ESR2: variants seen among roughly 807,000 people sequenced by gnomAD.
ESR2 encodes the protein estrogen receptor beta.
ESR2 carries 36 observed loss-of-function variants against 49.6 expected under a neutral mutation model. That is an observed-to-expected ratio of 0.73 (90% CI 0.56 to 0.96). The LOEUF (loss-of-function observed/expected upper bound fraction) is 0.96. ESR2 is among the 40% of genes least tolerant of loss of function. The pLI, the probability that ESR2 is intolerant of heterozygous loss-of-function variation, is 0.00. For synonymous variants in ESR2, 320 were observed against 266.1 expected (o/e 1.20, Z -1.97); for missense variants, 714 against 693.0 (o/e 1.03, Z -0.34).
At chr14:64,295,219 T>C (rs2076941796), upstream of ESR2, among the ~76,000 whole-genome samples, 1 of 152,188 alleles carries the variant, frequency 6.6e-6, no homozygotes, top group Admixed American at 6.5e-5. Flanking sequence ...GTCACATCTG[T>C]GCCTAATTAA....
intron 1 of ESR2, among the ~76,000 whole-genome samples, chr14:64,288,057 T>C (rs902607990): frequency 8.5e-5 from 13 of 152,152 alleles, no homozygotes; most frequent in African/African-American, 3.1e-4. Context: ...AAATAGTTGG[T>C]CCATATCCTG....
At chr14:64,227,398 C>G (rs1261242299), downstream of ESR2, 2 of 994,996 alleles carry the variant, frequency 2.0e-6, no homozygotes, top group East Asian at 2.5e-5. Flanking sequence ...GGTTTTTAAC[C>G]ACATAACTAA....
At chr14:64,260,405 C>T in intron 5 of ESR2, 44 bp downstream of exon 5, 2 of 1,507,604 alleles carry the variant, frequency 1.3e-6, no homozygotes, top group South Asian at 2.6e-5. Context: ...TAGCGGCCGG[C>T]CTTTCTACAA....
chr14:64,252,824 C>T (rs1425129394), intron 6 of ESR2, among the ~76,000 whole-genome samples: 1 of 152,076 alleles, frequency 6.6e-6, no homozygotes, highest in Non-Finnish European at 1.5e-5. Context: ...GCTGGGGACA[C>T]AGAGCCAAAC....
At chr14:64,333,243 C>A (rs1001719859) in intron 1 of ESR2, among the ~76,000 whole-genome samples, 3 of 152,116 alleles carry the variant, frequency 2.0e-5, no homozygotes, top group African/African-American at 4.8e-5. Context: ...TGATGAGAGA[C>A]ATGTTTCAAA....
chr14:64,261,232 C>CTTTTTTTTTTTTTTT lies in ESR2; in HGVS notation c.653-485_653-484insAAAAAAAAAAAAAAA. On this transcript the variant is annotated intron_variant, in intron 4 of 8. Coordinates refer to ENST00000341099, the MANE Select transcript of ESR2 (RefSeq NM_001437.3). Reference sequence around the variant, plus strand: ...CAGTCTTTTTAATGCTTTTATTTTTCTTTTTTCTTTTTTTTTTTTTTTTGA... The same window carrying CTTTTTTTTTTTTTTT: ...CAGTCTTTTTAATGCTTTTATTTTTCTTTTTTTTTTTTTTTTTTTTTCTTTTTTTTTTTTTTTTGA... Among the ~76,000 whole-genome samples, 278 of 88,646 alleles carry CTTTTTTTTTTTTTTT rather than the reference C, an allele frequency of 3.1e-3. 19 individuals carry two copies. The highest frequency in any genetic ancestry group is 7.2e-3 in the Middle Eastern group (1 of 138). 58.2% of individuals were successfully genotyped at this position (88,646 alleles called of 152,430 possible).
In ESR2 at chr14:64,228,676, TTAACAGG is replaced by T. The variant is rs1393093910; in HGVS notation, c.*4454_*4460del. Among the ~76,000 whole-genome samples, 2 of 152,230 alleles carry T rather than the reference TTAACAGG, an allele frequency of 1.3e-5. No homozygotes were observed. Among genetic ancestry groups the T allele is most frequent in the Non-Finnish European group, 2.9e-5 (2 of 68,040 alleles). On this transcript the variant is annotated 3_prime_UTR_variant, in exon 9 of 9. Transcript: ENST00000341099. ...AAATGCAAAAACATCCATTGTACAG[TTAACAGG>T]AACTGTTCGCGGCTGGTATCACCAC...
At position 64,310,699 on chromosome 14, in the gene ESR2, T is replaced by C. The variant is rs1325765709; in HGVS notation, c.-91+27199A>G. On this transcript the variant is annotated intron_variant, in intron 1 of 8. Coordinates refer to the ESR2 transcript ENST00000358599. ...GTTGGCCAGGCTGGTCTGGAACTCC[T>C]GACCTCGTGATCTGCCCGCCTCGGC... Among the ~76,000 whole-genome samples, 5 of 152,122 alleles carry C rather than the reference T, an allele frequency of 3.3e-5. No individual in the cohort carries two copies. In the East Asian group the frequency reaches 9.6e-4, roughly 29 times the overall value.
chr14:64,233,154 T>G lies in ESR2; in HGVS notation c.1576A>C (p.Asn526His). 6.2e-7 allele frequency: 1 copy of G among 1,613,722 alleles called. No individual in the cohort carries two copies. The highest frequency in any genetic ancestry group is 1.3e-5 in the African/African-American group (1 of 75,004). ...GCCAGGCGTCACTGAGACTGTGGGT[T>G]CTGGGAGCCCTCTTTGCTTTTACTG... ...EDSKSKEGSQ[N>H]PQSQ is the part of the protein sequence containing the mutation. The change falls in exon 9 of 9, where the codon AAC (asparagine) becomes CAC (histidine). Residue 526 changes from asparagine to histidine, a missense_variant. Coordinates refer to ENST00000341099, the MANE Select transcript of ESR2 (RefSeq NM_001437.3).
chr14:64,236,276 T>C (rs921996581), intron 7 of ESR2, among the ~76,000 whole-genome samples: 2 of 152,148 alleles, frequency 1.3e-5, no homozygotes, highest in Admixed American at 6.5e-5. Flanking sequence ...TTTAAAATAT[T>C]CATCTTTTCA....
At chr14:64,234,774 G>A (rs2098730805) in intron 8 of ESR2, 196 bp downstream of exon 8, 2 of 1,246,882 alleles carry the variant, frequency 1.6e-6, no homozygotes, top group Non-Finnish European at 2.2e-6. Context: ...GAGCCTGTAA[G>A]ATACCACATG....
chr14:64,302,379 G>A (rs897007670), intron 1 of ESR2, among the ~76,000 whole-genome samples: 1 of 151,360 alleles, frequency 6.6e-6, no homozygotes, highest in Non-Finnish European at 1.5e-5. Context: ...AGTAGAGATG[G>A]AATTTCACCG....
In ESR2 at chr14:64,313,233, T is replaced by C. The variant is rs139923595; in HGVS notation, c.-91+24665A>G. Among the ~76,000 whole-genome samples the C allele has an allele frequency of 5.7e-3, 860 of 151,944 alleles. 11 individuals carry two copies. The highest frequency in any genetic ancestry group is 0.02 in the African/African-American group (833 of 41,464). ...ATAAGATATGTGAAGCAAAAACTGATAGAAATGAAAGAAAAAAGGTCAGGC... is the reference window on the plus strand; with the variant it reads ...ATAAGATATGTGAAGCAAAAACTGACAGAAATGAAAGAAAAAAGGTCAGGC... On this transcript the variant is annotated intron_variant, in intron 1 of 8. Coordinates refer to the ESR2 transcript ENST00000358599.
rs763399801 is a variant in ESR2, at chr14:64,282,951, G to C, written c.35C>G (p.Ser12Cys). The C allele has an allele frequency of 1.2e-6, 2 of 1,613,578 alleles. No homozygotes were observed. The highest frequency in any genetic ancestry group is 1.7e-6 in the Non-Finnish European group (2 of 1,179,708). Residue 12 changes from serine (S) to cysteine (C), a missense_variant, in exon 2 of 9, where the codon TCT (serine) becomes TGT (cysteine). Coordinates refer to ENST00000341099, the MANE Select transcript of ESR2 (RefSeq NM_001437.3). ...DIKNSPSSLN[S>C]PSSYNCSQSI... is the part of the protein sequence containing the mutation. Reference sequence around the variant, plus strand: ...TTGACTGCAGTTGTAGGAGGAAGGAGAATTAAGGCTAGATGGTGAGTTTTT... The same window carrying C: ...TTGACTGCAGTTGTAGGAGGAAGGACAATTAAGGCTAGATGGTGAGTTTTT...
At chr14:64,304,770 G>A (rs1320901278) in intron 1 of ESR2, among the ~76,000 whole-genome samples, 2 of 152,070 alleles carry the variant, frequency 1.3e-5, no homozygotes, top group African/African-American at 4.8e-5. Context: ...TAGCTACTTG[G>A]GAGGCTGAGG....
intron 7 of ESR2, among the ~76,000 whole-genome samples, chr14:64,248,681 G>T (rs561660180): frequency 6.6e-6 from 1 of 151,986 alleles, no homozygotes; most frequent in East Asian, 1.9e-4. Context: ...CCAACAAAAC[G>T]AAACCATCTG....
intron 7 of ESR2, among the ~76,000 whole-genome samples, chr14:64,241,046 T>C (rs926816136): frequency 6.8e-5 from 10 of 147,848 alleles, no homozygotes; most frequent in African/African-American, 2.5e-4. Context: ...CTGGGGAGGC[T>C]GAGGCAGGAG....
Position 64,282,735 on chromosome 14 carries a change from C to A in ESR2, c.251G>T (p.Gly84Val), listed in dbSNP as rs1460814363. The change falls in exon 2 of 9, where the codon GGG becomes GTG. Residue 84 changes from glycine (G) to valine (V), a missense_variant. Gly to Val is a moderately radical substitution (Grantham distance 109, BLOSUM62 -3). Transcript: ENST00000341099. ...TSPNVLWPTPGHLSPLVVHRQ... is the reference protein window; with the variant it reads ...TSPNVLWPTPVHLSPLVVHRQ... ...ATGGACCACTAAAGGAGAAAGGTGCCCAGGTGTTGGCCACAACACATTTGG... is the reference window on the plus strand; with the variant it reads ...ATGGACCACTAAAGGAGAAAGGTGCACAGGTGTTGGCCACAACACATTTGG... The A allele has an allele frequency of 6.2e-7, 1 of 1,614,170 alleles. No homozygotes were observed. Among genetic ancestry groups the A allele is most frequent in the Non-Finnish European group, 8.5e-7 (1 of 1,180,030 alleles).
At chr14:64,227,425 CTCTT>C (rs1469420770), downstream of ESR2, 136 of 1,290,106 alleles carry the variant, frequency 1.1e-4, 2 homozygotes, top group South Asian at 1.5e-3. Context: ...AGTATTTTAA[CTCTT>C]TCTTTAAAAT....
Sources: gnomAD v4.1 joint callset for allele counts (sites outside exome capture counted in the v4.1 genomes callset) on GRCh38, gnomAD v4.1.1 for gene constraint, MANE v1.5 for transcripts, NCBI Gene and HGNC (gene_info 2026-07-23, HGNC 2026-07-21) for gene names.